The following RPRD1B variants were observed in gnomAD, a reference collection of about 807,000 sequenced individuals.
RPRD1B encodes the protein regulation of nuclear pre-mRNA domain containing 1B, also known as regulation of nuclear pre-mRNA domain-containing protein 1B.
Under a neutral mutation model 41.5 loss-of-function variants are expected in RPRD1B, and 11 were observed. The ratio of observed to expected loss-of-function variants is 0.27; its 90% CI spans 0.17 to 0.44. The LOEUF (loss-of-function observed/expected upper bound fraction) is 0.44, where lower values mean the gene tolerates loss of function less well. Among genes scored for constraint, RPRD1B ranks in the 20% least tolerant of loss-of-function variants. The pLI is 1.00. For missense variants in RPRD1B, 248 were observed against 389.9 expected (o/e 0.64, Z 3.06); for synonymous variants, 158 against 155.6 (o/e 1.02, Z -0.12).
At chr20:38,048,525 C>T in intron 3 of RPRD1B, 44 bp downstream of exon 3, 1 of 1,549,416 alleles carries the variant, frequency 6.5e-7, no homozygotes, top group Non-Finnish European at 8.8e-7. Context: ...TCTTTGCCTA[C>T]TTTCGAATCA....
At chr20:38,064,311 A>G (rs6022744) in intron 5 of RPRD1B, among the ~76,000 whole-genome samples, 39 of 152,292 alleles carry the variant, frequency 2.6e-4, no homozygotes, top group African/African-American at 8.7e-4. Context: ...TCCTCTTGCA[A>G]TATTCACATT....
In RPRD1B at chr20:38,090,135, C is replaced by G. The variant is rs541371626; in HGVS notation, c.*260C>G. On this transcript the variant is annotated 3_prime_UTR_variant, in exon 7 of 7. Coordinates refer to ENST00000373433, the MANE Select transcript of RPRD1B (RefSeq NM_021215.4). ...TCTCCCACTTCATATTTTCATGCCCCCCTGTTGGTTTTCCATTCTTAACTG... is the reference window on the plus strand; with the variant it reads ...TCTCCCACTTCATATTTTCATGCCCGCCTGTTGGTTTTCCATTCTTAACTG... 1.1e-4 allele frequency: 127 copies of G among 1,181,948 alleles called. No individual in the cohort carries two copies. The highest frequency in any genetic ancestry group is 1.3e-4 in the Non-Finnish European group (126 of 952,688). 73.2% of individuals were successfully genotyped at this position (1,181,948 alleles called of 1,614,324 possible). A position where few individuals can be genotyped will look rare whatever the true frequency, so the allele number is the denominator to read the frequency against.
rs1230198774 is a variant in RPRD1B, at chr20:38,089,651, C to T, written c.832-75C>T. 6 of 1,234,700 alleles carry T rather than the reference C, an allele frequency of 4.9e-6. No individual in the cohort carries two copies. The Admixed American group carries it at 1.1e-4, about 23-fold the overall frequency. 76.5% of individuals were successfully genotyped at this position (1,234,700 alleles called of 1,614,324 possible). On this transcript the variant is annotated intron_variant, in intron 6 of 6. Coordinates refer to ENST00000373433, the MANE Select transcript of RPRD1B (RefSeq NM_021215.4). ...AGGAAGAACACGAGGACGAGAGTAG[C>T]TGCCCGGCTCCAGCAGCACCCATGC...
chr20:38,039,028 C>A (rs2074035647), intron 1 of RPRD1B, among the ~76,000 whole-genome samples: 1 of 152,018 alleles, frequency 6.6e-6, no homozygotes, highest in South Asian at 2.1e-4. Flanking sequence ...AAAATTGGAA[C>A]CAAAAATTGT....
At chr20:38,061,375 T>A (rs2074295694) in intron 5 of RPRD1B, among the ~76,000 whole-genome samples, 1 of 152,208 alleles carries the variant, frequency 6.6e-6, no homozygotes. Flanking sequence ...GGAATGTGGC[T>A]GGGAAAAACT....
chr20:38,050,394 G>A (rs1366444833), intron 3 of RPRD1B, among the ~76,000 whole-genome samples: 1 of 152,184 alleles, frequency 6.6e-6, no homozygotes, highest in East Asian at 1.9e-4. Context: ...TTCCTGCTTT[G>A]GATTCTGGTG....
intron 5 of RPRD1B, among the ~76,000 whole-genome samples, chr20:38,063,565 G>A (rs1472114556): frequency 6.6e-6 from 1 of 152,218 alleles, no homozygotes; most frequent in African/African-American, 2.4e-5. Flanking sequence ...GGGGGAGCAG[G>A]GAAGCAGGTC....
At chr20:38,082,609 G>A (rs529796901) in intron 6 of RPRD1B, among the ~76,000 whole-genome samples, 417 of 152,174 alleles carry the variant, frequency 2.7e-3, no homozygotes, top group African/African-American at 9.5e-3. Context: ...GGATGGTCTC[G>A]GTCTCCTGAC....
chr20:38,084,949 A>C (rs2074546597), intron 6 of RPRD1B, among the ~76,000 whole-genome samples: 1 of 152,190 alleles, frequency 6.6e-6, no homozygotes, highest in African/African-American at 2.4e-5. Context: ...TGCTGCAGCA[A>C]GTCAGATATG....
chr20:38,082,297 G>A (rs1012666557), intron 6 of RPRD1B, among the ~76,000 whole-genome samples: 2 of 152,142 alleles, frequency 1.3e-5, no homozygotes, highest in African/African-American at 2.4e-5. Context: ...GGGAGATTCC[G>A]TGTTTCTAGG....
chr20:38,089,131 G>T (rs1358135045), intron 6 of RPRD1B, among the ~76,000 whole-genome samples: 3 of 152,308 alleles, frequency 2.0e-5, no homozygotes, highest in East Asian at 1.9e-4. Flanking sequence ...TTTTGGGAGA[G>T]AAGTCTGGTG....
At chr20:38,041,005 C>G (rs967007138) in intron 2 of RPRD1B, among the ~76,000 whole-genome samples, 2 of 152,138 alleles carry the variant, frequency 1.3e-5, no homozygotes, top group Non-Finnish European at 2.9e-5. Flanking sequence ...AAATAGTAGG[C>G]ATTACTGTAA....
At chr20:38,061,954 ATCT>A (rs757305618) in intron 5 of RPRD1B, among the ~76,000 whole-genome samples, 6 of 152,168 alleles carry the variant, frequency 3.9e-5, no homozygotes, top group Non-Finnish European at 8.8e-5. Context: ...GTGATTAAAT[ATCT>A]TGAGATGAGG....
chr20:38,073,377 C>G (rs1428431613), intron 6 of RPRD1B, among the ~76,000 whole-genome samples: 1 of 152,204 alleles, frequency 6.6e-6, no homozygotes, highest in Non-Finnish European at 1.5e-5. Context: ...CGCTTGGCAC[C>G]TCCCCCTTGG....
chr20:38,041,611 A>G (rs1415277563), intron 2 of RPRD1B, among the ~76,000 whole-genome samples: 2 of 152,242 alleles, frequency 1.3e-5, no homozygotes, highest in Non-Finnish European at 2.9e-5. Context: ...AGAACAGACT[A>G]CTAGAGGAGC....
intron 2 of RPRD1B, among the ~76,000 whole-genome samples, chr20:38,042,374 G>A (rs574202941): frequency 1.3e-5 from 2 of 152,166 alleles, no homozygotes; most frequent in African/African-American, 4.8e-5. Context: ...ACAGACAAAC[G>A]ATCTGTAATC....
At chr20:38,076,654 TC>T (rs1172328211) in intron 6 of RPRD1B, among the ~76,000 whole-genome samples, 1 of 149,724 alleles carries the variant, frequency 6.7e-6, no homozygotes, top group Non-Finnish European at 1.5e-5. Flanking sequence ...TTTCCCCCCT[TC>T]CCCCCACCCC....
chr20:38,041,624 T>C lies in RPRD1B; in HGVS notation c.281+1060T>C, dbSNP rs1263983269. 1.1e-4 allele frequency among the ~76,000 whole-genome samples: 17 copies of C among 152,340 alleles called. No individual in the cohort carries two copies. The South Asian group carries it at 3.3e-3, about 30-fold the overall frequency. ...TTAGAACAGACTACTAGAGGAGCTA[T>C]CTGAAATAGACAGATTTTCTTGCTT... On this transcript the variant is annotated intron_variant, in intron 2 of 6. Coordinates refer to ENST00000373433, the MANE Select transcript of RPRD1B (RefSeq NM_021215.4).
In RPRD1B at chr20:38,057,603, G is replaced by A; in HGVS notation, c.487G>A (p.Gly163Ser). The stretch of plus-strand genomic sequence containing the variant: ...GGAGGAGGAGGATGACGACTACCCT[G>A]GCAGCTACTCTCCTCAGGATCCTTC... ...IQEEEDDDYP[G>S]SYSPQDPSAG... is the part of the protein sequence containing the mutation. The change falls in exon 4 of 7, where the codon GGC becomes AGC. Residue 163 changes from glycine (G) to serine (S), a missense_variant. Coordinates refer to ENST00000373433, the MANE Select transcript of RPRD1B (RefSeq NM_021215.4). 6.2e-7 allele frequency: 1 copy of A among 1,614,098 alleles called. No individual in the cohort carries two copies. The highest frequency in any genetic ancestry group is 8.5e-7 in the Non-Finnish European group (1 of 1,179,954).
Sources: allele counts gnomAD v4.1 joint callset (sites outside exome capture counted in the v4.1 genomes callset), GRCh38; gene constraint gnomAD v4.1.1; transcripts MANE v1.5; gene names NCBI Gene and HGNC (gene_info 2026-07-23, HGNC 2026-07-21).